RFFL: variants seen among roughly 807,000 people sequenced by gnomAD.
RFFL encodes E3 ubiquitin-protein ligase rififylin.
Under a neutral mutation model 40.4 loss-of-function variants are expected in RFFL, and 16 were observed. The ratio of observed to expected loss-of-function variants is 0.40; its 90% CI spans 0.27 to 0.60. RFFL has a LOEUF of 0.60. RFFL is among the 20% of genes least tolerant of loss of function. The pLI is 0.47. For synonymous variants in RFFL, 154 were observed against 167.9 expected (o/e 0.92, Z 0.64); for missense variants, 367 against 451.7 (o/e 0.81, Z 1.70).
At chr17:35,084,887 T>A (rs886088004) in intron 1 of RFFL, among the ~76,000 whole-genome samples, 2 of 151,822 alleles carry the variant, frequency 1.3e-5, no homozygotes, top group African/African-American at 4.8e-5. Context: ...GCCACTGCAC[T>A]CCAGCCTGGG....
intron 1 of RFFL, among the ~76,000 whole-genome samples, chr17:35,076,139 G>A (rs375041513): frequency 8.6e-5 from 13 of 151,622 alleles, no homozygotes; most frequent in African/African-American, 2.9e-4. Flanking sequence ...GACTACAGGC[G>A]CGTGCCACCA....
At chr17:35,041,638 A>C (rs1597826611) in intron 1 of RFFL, among the ~76,000 whole-genome samples, 1 of 149,844 alleles carries the variant, frequency 6.7e-6, no homozygotes, top group Middle Eastern at 3.4e-3. Context: ...TAAATGGGGG[A>C]GGACTCCTCA....
intron 1 of RFFL, among the ~76,000 whole-genome samples, chr17:35,040,751 A>T (rs2091158791): frequency 6.8e-6 from 1 of 148,112 alleles, no homozygotes; most frequent in Non-Finnish European, 1.5e-5. Context: ...GGCCCTTTAG[A>T]TTTGTTGTTT....
chr17:35,048,123 C>T (rs1036078035), intron 1 of RFFL, among the ~76,000 whole-genome samples: 2 of 152,018 alleles, frequency 1.3e-5, no homozygotes, highest in African/African-American at 4.8e-5. Flanking sequence ...AATTTAGGGG[C>T]CGGGCACGGT....
At chr17:35,065,571 A>G (rs1339177144), upstream of RFFL, among the ~76,000 whole-genome samples, 2 of 151,986 alleles carry the variant, frequency 1.3e-5, no homozygotes, top group East Asian at 3.8e-4. Flanking sequence ...AAAAAAAAAA[A>G]AAAAAAGAAA....
At position 35,022,351 on chromosome 17, in the gene RFFL, A is replaced by G. The variant is rs556462728; in HGVS notation, c.181-570T>C. ...ACCTAACGGTGACAGCCAGGATTCA[A>G]ATCCTAAACTGTAATTATTTCTGCA... On this transcript the variant is annotated intron_variant, in intron 2 of 6. Transcript: ENST00000394597. Among the ~76,000 whole-genome samples, 72 of 152,356 alleles carry G rather than the reference A, an allele frequency of 4.7e-4. 1 individual carries two copies. Among genetic ancestry groups the G allele is most frequent in the African/African-American group, 1.5e-3 (62 of 41,586 alleles).
intron 1 of RFFL, among the ~76,000 whole-genome samples, chr17:35,029,851 G>C (rs9894034): frequency 0.03 from 2,788 of 94,388 alleles, 116 homozygotes; most frequent in African/African-American, 0.11. Flanking sequence ...CTCCCCCAAC[G>C]CCACGACAGT....
intron 1 of RFFL, among the ~76,000 whole-genome samples, chr17:35,038,105 T>C (rs572293073): frequency 1.0e-3 from 153 of 152,144 alleles, no homozygotes; most frequent in African/African-American, 3.4e-3. Flanking sequence ...CTGGACAACA[T>C]GGTGAAACCC....
At chr17:35,034,346 A>T (rs1239476844) in intron 1 of RFFL, among the ~76,000 whole-genome samples, 1 of 152,012 alleles carries the variant, frequency 6.6e-6, no homozygotes, top group East Asian at 1.9e-4. Context: ...AATTAAAAAA[A>T]TAAAAAAGGA....
At chr17:35,052,221 C>T (rs894494223) in intron 1 of RFFL, among the ~76,000 whole-genome samples, 2 of 152,202 alleles carry the variant, frequency 1.3e-5, no homozygotes, top group Non-Finnish European at 2.9e-5. Context: ...GATCTACCTC[C>T]CCAGTACCGG....
At chr17:35,078,289 G>T (rs1384014417) in intron 1 of RFFL, among the ~76,000 whole-genome samples, 1 of 152,086 alleles carries the variant, frequency 6.6e-6, no homozygotes, top group Non-Finnish European at 1.5e-5. Flanking sequence ...CTCCAATAAA[G>T]AAGTTATTTG....
intron 1 of RFFL, chr17:35,069,350 G>A (rs748695579): frequency 2.2e-5 from 10 of 456,474 alleles, no homozygotes; most frequent in Middle Eastern, 6.5e-4. Flanking sequence ...TCATCTTGAA[G>A]GGTGATTTCT....
At chr17:35,034,912 G>A (rs1448179751) in intron 1 of RFFL, among the ~76,000 whole-genome samples, 1 of 152,170 alleles carries the variant, frequency 6.6e-6, no homozygotes, top group Non-Finnish European at 1.5e-5. Context: ...GTCCCGAGGG[G>A]ATTTGGAGCC....
intron 1 of RFFL, among the ~76,000 whole-genome samples, chr17:35,071,900 A>G (rs1377184830): frequency 1.3e-5 from 2 of 152,140 alleles, no homozygotes; most frequent in Middle Eastern, 3.2e-3. Flanking sequence ...CTGCCACACA[A>G]TAACTTGGAT....
At chr17:35,017,437 T>A (rs904092461) in intron 4 of RFFL, 86 bp downstream of exon 4, 2 of 842,494 alleles carry the variant, frequency 2.4e-6, no homozygotes, top group Non-Finnish European at 4.0e-6. Context: ...ACATTTATTC[T>A]CTCTCCACTC....
chr17:35,026,590 T>C (rs1274408329), intron 1 of RFFL, 29 bp from the exon 2 acceptor site: 1 of 1,589,794 alleles, frequency 6.3e-7, no homozygotes, highest in African/African-American at 1.3e-5. Context: ...GGGGAAAAGG[T>C]CAGAGTTAAG....
intron 1 of RFFL, among the ~76,000 whole-genome samples, chr17:35,072,726 T>C (rs1088450): frequency 0.38 from 57,099 of 150,742 alleles, 12,396 homozygotes; most frequent in Non-Finnish European, 0.48. Flanking sequence ...TGTGAATCTA[T>C]AATTACCTAA....
At chr17:35,080,629 TA>T (rs1278513553) in intron 1 of RFFL, among the ~76,000 whole-genome samples, 1 of 152,186 alleles carries the variant, frequency 6.6e-6, no homozygotes, top group Non-Finnish European at 1.5e-5. Context: ...TGTTGATCAC[TA>T]ATAAGTTGCA....
intron 1 of RFFL, among the ~76,000 whole-genome samples, chr17:35,062,893 T>C (rs2091301559): frequency 6.6e-6 from 1 of 152,086 alleles, no homozygotes; most frequent in Non-Finnish European, 1.5e-5. Flanking sequence ...TCCTATTAAT[T>C]CAGAAAGGAA....
Sources: gnomAD v4.1 joint callset for allele counts (sites outside exome capture counted in the v4.1 genomes callset) on GRCh38, gnomAD v4.1.1 for gene constraint, MANE v1.5 for transcripts, NCBI Gene and HGNC (gene_info 2026-07-23, HGNC 2026-07-21) for gene names.